KLHL14: variants seen among roughly 807,000 people sequenced by gnomAD.
KLHL14 encodes kelch like family member 14.
A neutral mutation model predicts 64.3 loss-of-function variants in KLHL14; 22 were observed. The observed-to-expected ratio is 0.34, with a 90% CI of 0.24 to 0.49. The LOEUF (loss-of-function observed/expected upper bound fraction) is 0.49, where lower values mean the gene tolerates loss of function less well. Among genes scored for constraint, KLHL14 ranks in the 20% least tolerant of loss-of-function variants. KLHL14 has a pLI of 0.99. For synonymous variants in KLHL14, 322 were observed against 333.4 expected, an observed-to-expected ratio of 0.97 and a Z score of 0.37; for missense variants, 661 against 789.0, an observed-to-expected ratio of 0.84 and a Z score of 1.94.
At chr18:32,699,060 G>A (rs1258490185) in intron 3 of KLHL14, among the ~76,000 whole-genome samples, 1 of 152,066 alleles carries the variant, frequency 6.6e-6, no homozygotes, top group African/African-American at 2.4e-5. Context: ...TTATGTACCT[G>A]CTAATTGTTT....
intron 3 of KLHL14, among the ~76,000 whole-genome samples, chr18:32,711,344 A>AAGAGG (rs1411833603): frequency 6.6e-6 from 1 of 152,200 alleles, no homozygotes; most frequent in Non-Finnish European, 1.5e-5. Context: ...ATGTAATAAA[A>AAGAGG]AGAGGAAGAA....
At chr18:32,746,096 A>G (rs960331193) in intron 2 of KLHL14, among the ~76,000 whole-genome samples, 3 of 152,202 alleles carry the variant, frequency 2.0e-5, no homozygotes, top group Admixed American at 1.3e-4. Flanking sequence ...CCAAATTAAT[A>G]TATTCTCTTC....
intron 2 of KLHL14, among the ~76,000 whole-genome samples, chr18:32,761,519 T>C (rs2050314031): frequency 6.6e-6 from 1 of 151,808 alleles, no homozygotes; most frequent in African/African-American, 2.4e-5. Flanking sequence ...CCAGGCCTAT[T>C]ACTTAGAATG....
intron 2 of KLHL14, chr18:32,742,799 CTG>C (rs1398606036): frequency 6.6e-6 from 1 of 152,394 alleles, no homozygotes; most frequent in Non-Finnish European, 1.5e-5. Context: ...ACCTGCTCAA[CTG>C]TGCAAAGTCA....
At chr18:32,701,743 A>G (rs970481548) in intron 3 of KLHL14, among the ~76,000 whole-genome samples, 1 of 152,192 alleles carries the variant, frequency 6.6e-6, no homozygotes, top group African/African-American at 2.4e-5. Flanking sequence ...TAGATGAAAG[A>G]AGATAGCAGC....
intron 3 of KLHL14, among the ~76,000 whole-genome samples, chr18:32,735,016 A>T (rs964515738): frequency 2.0e-5 from 3 of 152,174 alleles, no homozygotes; most frequent in African/African-American, 2.4e-5. Context: ...AAATTTTGTC[A>T]CTTACACGTC....
chr18:32,772,243 T>C (rs1488274891), intron 1 of KLHL14: 5 of 401,258 alleles, frequency 1.2e-5, no homozygotes, highest in Non-Finnish European at 2.5e-5. Flanking sequence ...TTCCTATTTA[T>C]ACCGGACTGG....
At position 32,680,802 on chromosome 18, in the gene KLHL14, A is replaced by G. The variant is rs2049834983; in HGVS notation, c.1239-203T>C. Among the ~76,000 whole-genome samples the G allele has an allele frequency of 6.6e-6, 1 of 152,148 alleles. No homozygotes were observed. Among genetic ancestry groups the G allele is most frequent in the Admixed American group, 6.6e-5 (1 of 15,266 alleles). ...ATATGTATTGCCCTTCCTGGTTAAT[A>G]TTCTTGATATTAAAGTAATAGTAGA... On this transcript the variant is annotated intron_variant, in intron 5 of 8. Coordinates refer to ENST00000359358, the MANE Select transcript of KLHL14 (RefSeq NM_020805.3). This position sits in a 1 kb window ranked among gnomAD's most constrained non-coding sequence, Gnocchi z 4.8.
chr18:32,736,823 G>T (rs913431345), intron 3 of KLHL14, among the ~76,000 whole-genome samples: 2 of 152,126 alleles, frequency 1.3e-5, no homozygotes, highest in Non-Finnish European at 2.9e-5. Context: ...CAGAGTTACA[G>T]ATGGTCACTT....
In KLHL14 at chr18:32,673,565, G is replaced by A. The variant is rs1236559582; in HGVS notation, c.*1092C>T. The A allele has an allele frequency of 6.6e-6, 1 of 152,122 alleles. No individual in the cohort carries two copies. Among genetic ancestry groups the A allele is most frequent in the South Asian group, 2.1e-4 (1 of 4,816 alleles). 9.4% of individuals were successfully genotyped at this position (152,122 alleles called of 1,614,324 possible). On this transcript the variant is annotated 3_prime_UTR_variant, in exon 9 of 9. Transcript: ENST00000359358. The stretch of plus-strand genomic sequence containing the variant: ...TAACAAACAAAATATGATGAATTGG[G>A]GGAATAACGATCGTAAGTCAAGTGT...
chr18:32,699,204 C>T (rs756809312), intron 3 of KLHL14, among the ~76,000 whole-genome samples: 1 of 152,078 alleles, frequency 6.6e-6, no homozygotes, highest in Non-Finnish European at 1.5e-5. Context: ...TCAAACTCTC[C>T]GGGAATTCCC....
intron 3 of KLHL14, among the ~76,000 whole-genome samples, chr18:32,730,973 C>T (rs1427847158): frequency 1.3e-5 from 2 of 152,140 alleles, no homozygotes; most frequent in African/African-American, 4.8e-5. Flanking sequence ...CTCAGCACTC[C>T]CCTTTCACAA....
chr18:32,689,824 G>A (rs1216392271), intron 4 of KLHL14, among the ~76,000 whole-genome samples: 1 of 152,168 alleles, frequency 6.6e-6, no homozygotes, highest in Non-Finnish European at 1.5e-5. Flanking sequence ...TCTTCTGAGT[G>A]CTTCTATTGA....
At chr18:32,764,423 T>C (rs1262180461) in intron 2 of KLHL14, among the ~76,000 whole-genome samples, 1 of 152,182 alleles carries the variant, frequency 6.6e-6, no homozygotes, top group Non-Finnish European at 1.5e-5. Flanking sequence ...TTGAGTTCTT[T>C]CCAAATGGAA....
chr18:32,701,146 C>T (rs2049964536), intron 3 of KLHL14, among the ~76,000 whole-genome samples: 1 of 152,110 alleles, frequency 6.6e-6, no homozygotes, highest in Non-Finnish European at 1.5e-5. Flanking sequence ...TAATTGATTC[C>T]ATTTCCTTCT....
intron 2 of KLHL14, among the ~76,000 whole-genome samples, chr18:32,761,279 C>T (rs955188496): frequency 7.3e-5 from 11 of 151,714 alleles, no homozygotes; most frequent in Non-Finnish European, 1.5e-4. Context: ...AACTGAAAAA[C>T]ATGCTGATTT....
intron 3 of KLHL14, among the ~76,000 whole-genome samples, chr18:32,697,088 T>C (rs1289766628): frequency 6.6e-6 from 1 of 152,188 alleles, no homozygotes; most frequent in Non-Finnish European, 1.5e-5. Flanking sequence ...GTCAATTGAC[T>C]TCGAGAGTCA....
At chr18:32,682,986 C>T (rs2049850241) in intron 5 of KLHL14, among the ~76,000 whole-genome samples, 1 of 152,128 alleles carries the variant, frequency 6.6e-6, no homozygotes, top group African/African-American at 2.4e-5. Flanking sequence ...TTCTGTGCAG[C>T]ATTAGTCTAG....
chr18:32,739,764 A>T (rs2050185939), intron 3 of KLHL14, among the ~76,000 whole-genome samples: 1 of 152,094 alleles, frequency 6.6e-6, no homozygotes. Flanking sequence ...ATTAAATCTA[A>T]CATGTGAAAA....
Sources: gnomAD v4.1 joint callset for allele counts (sites outside exome capture counted in the v4.1 genomes callset) on GRCh38, gnomAD v4.1.1 for gene constraint, Gnocchi (gnomAD v3.1) non-coding constraint, MANE v1.5 for transcripts, NCBI Gene and HGNC (gene_info 2026-07-23, HGNC 2026-07-21) for gene names.